Variants in DIAPH2 observed in about 807,000 individuals in gnomAD.
DIAPH2 encodes the protein protein diaphanous homolog 2.
DIAPH2 carries 35 observed loss-of-function variants against 92.7 expected under a neutral mutation model. The observed-to-expected ratio is 0.38, with a 90% confidence interval of 0.29 to 0.50. The LOEUF (loss-of-function observed/expected upper bound fraction) is 0.50. Ranked by LOEUF, DIAPH2 falls within the 20% of genes least tolerant of loss-of-function variation. The probability of loss-of-function intolerance (pLI) is 0.94; values close to 1 mark genes in which losing one functional copy is unlikely to be tolerated. For synonymous variants in DIAPH2, 301 were observed against 280.4 expected (o/e 1.07, Z -0.73); for missense variants, 701 against 819.5 (o/e 0.86, Z 1.77).
chrX:97,558,163 A>G (rs1023582818), intron 26 of DIAPH2, among the ~76,000 whole-genome samples: 1 of 112,042 alleles, frequency 8.9e-6, no homozygotes, highest in Admixed American at 9.5e-5. Context: ...CTTATAACTC[A>G]CAGTCTAGTT....
chrX:96,697,540 G>A (rs1366250801), intron 1 of DIAPH2, among the ~76,000 whole-genome samples: 2 of 110,692 alleles, frequency 1.8e-5, no homozygotes, highest in Non-Finnish European at 3.8e-5. Context: ...CAGCTACCTG[G>A]GAGGCCGAGG....
intron 26 of DIAPH2, among the ~76,000 whole-genome samples, chrX:97,537,122 T>G (rs1477764030): frequency 1.8e-5 from 2 of 111,382 alleles, no homozygotes; most frequent in South Asian, 3.8e-4. Flanking sequence ...GTATTTGAAT[T>G]GGGCCCTAAA....
intron 19 of DIAPH2, among the ~76,000 whole-genome samples, chrX:97,090,716 C>T (rs1402308591): frequency 9.0e-6 from 1 of 111,115 alleles, no homozygotes; most frequent in Non-Finnish European, 1.9e-5. Context: ...TTTAAGGCAA[C>T]AATGTAAACT....
At chrX:96,949,687 C>CAAAAAAAAAAAAAA (rs1167294262) in intron 15 of DIAPH2, among the ~76,000 whole-genome samples, 2 of 40,334 alleles carry the variant, frequency 5.0e-5, no homozygotes, top group Non-Finnish European at 4.3e-5. Context: ...ACTAAAAATA[C>CAAAAAAAAAAAAAA]AAAAAAAAAA....
At chrX:96,751,383 T>C (rs187979287) in intron 3 of DIAPH2, among the ~76,000 whole-genome samples, 1,637 of 107,740 alleles carry the variant, frequency 0.015, 31 homozygotes, top group African/African-American at 0.053. Context: ...GAGACCATCC[T>C]GGCTAACACG....
chrX:97,574,026 T>A (rs1469908093), intron 26 of DIAPH2, among the ~76,000 whole-genome samples: 1 of 112,008 alleles, frequency 8.9e-6, no homozygotes, highest in Non-Finnish European at 1.9e-5. Flanking sequence ...AATGCACTGT[T>A]TCATTTCTCC....
rs1371266699 is a variant in DIAPH2 at position 97,348,133 on chromosome X, C to T, written c.2862C>T (p.Ala954=). The T allele has an allele frequency of 3.3e-6, 4 of 1,210,763 alleles. No individual in the cohort carries two copies. The highest frequency in any genetic ancestry group is 4.5e-6 in the Non-Finnish European group (4 of 895,135). The change falls in exon 24 of 27, where the codon GCC becomes GCT. Residue 954 remains alanine, a synonymous_variant. Coordinates refer to ENST00000324765, the MANE Select transcript of DIAPH2 (RefSeq NM_006729.5). ...AAAGCTACAGCTTTACAAAGACTGCCCGAGAACAGTATGAAAAACTCTCCA... is the reference window on the plus strand; with the variant it reads ...AAAGCTACAGCTTTACAAAGACTGCTCGAGAACAGTATGAAAAACTCTCCA... ...VEKMTSFTKT[A]REQYEKLSTM...
intron 1 of DIAPH2, among the ~76,000 whole-genome samples, chrX:96,694,443 C>T (rs2063814257): frequency 9.1e-6 from 1 of 109,969 alleles, no homozygotes; most frequent in Admixed American, 9.7e-5. Context: ...CGGGTTCAAG[C>T]GATTCTTCTG....
intron 4 of DIAPH2, among the ~76,000 whole-genome samples, chrX:96,761,306 A>G (rs2064266725): frequency 2.0e-5 from 2 of 100,581 alleles, no homozygotes; most frequent in South Asian, 4.4e-4. Flanking sequence ...GTAAAGTTAT[A>G]TTTTTTAAGA....
At chrX:97,479,608 T>A (rs1405762052) in intron 26 of DIAPH2, among the ~76,000 whole-genome samples, 2 of 112,133 alleles carry the variant, frequency 1.8e-5, no homozygotes, top group East Asian at 5.6e-4. Flanking sequence ...CCTGGGCAAA[T>A]TAGTTAACCT....
intron 22 of DIAPH2, among the ~76,000 whole-genome samples, chrX:97,231,030 C>T (rs1285743936): frequency 2.7e-5 from 3 of 112,545 alleles, no homozygotes; most frequent in Non-Finnish European, 3.7e-5. Context: ...ACTGTGCTGT[C>T]TCACATTTGT....
At chrX:97,098,758 T>C (rs2066886202) in intron 19 of DIAPH2, among the ~76,000 whole-genome samples, 1 of 112,666 alleles carries the variant, frequency 8.9e-6, no homozygotes, top group African/African-American at 3.2e-5. Flanking sequence ...CTAATCATAT[T>C]CGTGAGGGCT....
intron 4 of DIAPH2, among the ~76,000 whole-genome samples, chrX:96,766,329 G>A (rs1197591789): frequency 2.7e-5 from 3 of 110,443 alleles, no homozygotes; most frequent in Non-Finnish European, 5.7e-5. Context: ...TGTCTTATCT[G>A]TGACCTCCTC....
At chrX:97,120,615 T>G (rs930305898) in intron 21 of DIAPH2, among the ~76,000 whole-genome samples, 1 of 65,323 alleles carries the variant, frequency 1.5e-5, no homozygotes, top group Non-Finnish European at 2.6e-5. Context: ...TTTTTGTGGG[T>G]TTTTTTTTTT....
chrX:96,767,709 C>T (rs2064313014), intron 4 of DIAPH2, among the ~76,000 whole-genome samples: 2 of 111,308 alleles, frequency 1.8e-5, no homozygotes, highest in South Asian at 7.5e-4. Flanking sequence ...TATTCTGGGT[C>T]AAGAATGGTG....
In DIAPH2 at chrX:96,778,151, C is replaced by T. The variant is rs911041507; in HGVS notation, c.447+19893C>T. ...TGTGGTGTCTGGTTTTTTGTCCTTG[C>T]GATAGTTTGCTGAGAATGATGGTTT... On this transcript the variant is annotated intron_variant, in intron 4 of 26. Coordinates refer to ENST00000324765, the MANE Select transcript of DIAPH2 (RefSeq NM_006729.5). Among the ~76,000 whole-genome samples, 68 of 106,279 alleles carry T rather than the reference C, an allele frequency of 6.4e-4. 1 individual carries two copies. The highest frequency in any genetic ancestry group is 2.2e-3 in the African/African-American group (64 of 29,113). The allele number at this position is 106,279 out of a possible 115,157, so 92.3% of individuals were successfully genotyped here. A position where few individuals can be genotyped will look rare whatever the true frequency, so the allele number is the denominator to read the frequency against.
chrX:97,064,585 C>G (rs1262427837), intron 17 of DIAPH2, among the ~76,000 whole-genome samples: 7 of 110,373 alleles, frequency 6.3e-5, no homozygotes, highest in African/African-American at 2.3e-4. Context: ...TTAATAACAC[C>G]CAGCACCTCC....
Position 96,962,404 on chromosome X carries a change from C to CACATATATATATACACATATATAT in DIAPH2, c.1936-2673_1936-2650dup, listed in dbSNP as rs2065863823. Among the ~76,000 whole-genome samples, 5 of 48,839 alleles carry CACATATATATATACACATATATAT rather than the reference C, an allele frequency of 1.0e-4. 1 individual carries two copies. In the Admixed American group the frequency reaches 1.2e-3, roughly 12 times the overall value. 42.4% of individuals were successfully genotyped at this position (48,839 alleles called of 115,157 possible). On this transcript the variant is annotated intron_variant, in intron 16 of 26. Transcript: ENST00000324765. ...ACACATATATATACACATATATATA[C>CACATATATATATACACATATATAT]ACATATATATATACACATATATATA...
At chrX:97,283,890 C>T (rs751716154) in intron 23 of DIAPH2, among the ~76,000 whole-genome samples, 1 of 112,070 alleles carries the variant, frequency 8.9e-6, no homozygotes, top group East Asian at 2.8e-4. Flanking sequence ...TGCAGTGAGT[C>T]GAGATCGCAC....
Sources: allele counts gnomAD v4.1 joint callset (sites outside exome capture counted in the v4.1 genomes callset), GRCh38; gene constraint gnomAD v4.1.1; transcripts MANE v1.5; gene names NCBI Gene and HGNC (gene_info 2026-07-23, HGNC 2026-07-21).